Variants in KIAA0319 observed in about 807,000 individuals in gnomAD.
The protein encoded by KIAA0319 is dyslexia-associated protein KIAA0319.
A neutral mutation model predicts 108.4 loss-of-function variants in KIAA0319; 83 were observed. The ratio of observed to expected loss-of-function variants is 0.77; its 90% CI spans 0.64 to 0.92. The LOEUF (loss-of-function observed/expected upper bound fraction) is 0.92. Among genes scored for constraint, KIAA0319 ranks in the 40% least tolerant of loss-of-function variants. The pLI is 0.00. For missense variants in KIAA0319, 1,195 were observed against 1,322.4 expected (o/e 0.90, Z 1.49); for synonymous variants, 484 against 510.4 (o/e 0.95, Z 0.70).
chr6:24,598,276 C>A, intron 2 of KIAA0319: 1 of 636,372 alleles, frequency 1.6e-6, no homozygotes, highest in South Asian at 1.6e-5. Flanking sequence ...GGAGGTGGAC[C>A]CCAACATCCA....
At chr6:24,576,706 GC>G in intron 9 of KIAA0319, 110 bp from the exon 10 acceptor site, 1 of 838,362 alleles carries the variant, frequency 1.2e-6, no homozygotes, top group Non-Finnish European at 2.0e-6. Context: ...GATCGCTTGA[GC>G]CCAGGAGTTC....
At chr6:24,572,721 AT>A in intron 10 of KIAA0319, 23 bp from the exon 11 acceptor site, 1 of 1,582,008 alleles carries the variant, frequency 6.3e-7, no homozygotes, top group African/African-American at 1.4e-5. Context: ...AAATACAAAA[AT>A]AAAAACAAAA....
intron 1 of KIAA0319, among the ~76,000 whole-genome samples, chr6:24,635,063 T>G (rs1326813527): frequency 1.3e-5 from 2 of 152,124 alleles, no homozygotes; most frequent in East Asian, 3.8e-4. Context: ...TATCTGTAGC[T>G]ATCTGCTTAG....
At chr6:24,640,182 T>G (rs1776740929) in intron 1 of KIAA0319, among the ~76,000 whole-genome samples, 1 of 152,136 alleles carries the variant, frequency 6.6e-6, no homozygotes, top group Admixed American at 6.5e-5. Context: ...TAAATATGCA[T>G]GTTAAAAATA....
intron 1 of KIAA0319, among the ~76,000 whole-genome samples, chr6:24,627,435 T>G (rs1206715928): frequency 1.3e-5 from 2 of 150,216 alleles, no homozygotes; most frequent in African/African-American, 4.9e-5. Flanking sequence ...TAGGTCTTAG[T>G]GAGCATTTTC....
At chr6:24,612,244 G>T (rs1239016482) in intron 1 of KIAA0319, among the ~76,000 whole-genome samples, 3 of 152,080 alleles carry the variant, frequency 2.0e-5, no homozygotes, top group African/African-American at 7.2e-5. Context: ...TTGAGTCCAG[G>T]AGTTCGAGGC....
rs1769517539 is a variant in KIAA0319, at chr6:24,596,098, C to T, written c.576G>A (p.Glu192=). ...YTDWGLLPGS[E]GAFNSSVGDS... is the part of the protein sequence containing the mutation. Reference sequence around the variant, plus strand: ...CTCCAACAGAGGAGTTGAAGGCCCCCTCGCTGCCCGGCAGTAGGCCCCAGT... The same window carrying T: ...CTCCAACAGAGGAGTTGAAGGCCCCTTCGCTGCCCGGCAGTAGGCCCCAGT... Residue 192 remains glutamate (E), a synonymous_variant, in exon 3 of 21, where the codon GAG becomes GAA. Transcript: ENST00000378214. The T allele has an allele frequency of 1.2e-6, 2 of 1,614,102 alleles. No homozygotes were observed. The highest frequency in any genetic ancestry group is 4.5e-5 in the East Asian group (2 of 44,880).
In KIAA0319 at chr6:24,576,501, C is replaced by T. The variant is rs1159392952; in HGVS notation, c.1601G>A (p.Gly534Glu). 1.2e-6 allele frequency: 2 copies of T among 1,614,014 alleles called. No homozygotes were observed. The highest frequency in any genetic ancestry group is 1.3e-5 in the African/African-American group (1 of 74,914). ...GGGCAAAGTTATGGTGTGATTTGGT[C>T]CTGCATTAGCAACTGGTGGGTAGTC... ...AVDYPPVANA[G>E]PNHTITLPQN... Residue 534 changes from glycine to glutamate, a missense_variant, in exon 10 of 21, where the codon GGA (glycine) becomes GAA (glutamate). Physicochemically the swap from Gly to Glu is moderately conservative, Grantham distance 98 (BLOSUM62 -2). Transcript: ENST00000378214.
At chr6:24,559,647 G>A (rs185180011) in intron 16 of KIAA0319, among the ~76,000 whole-genome samples, 1 of 150,104 alleles carries the variant, frequency 6.7e-6, no homozygotes, top group Admixed American at 6.6e-5. Flanking sequence ...ATGTATAAAT[G>A]TGTGCAAAAA....
At position 24,566,678 on chromosome 6, in the gene KIAA0319, A is replaced by G. The variant is rs938791013; in HGVS notation, c.2211T>C (p.Thr737=). Residue 737 remains threonine (T), a synonymous_variant, in exon 14 of 21, where the codon ACT becomes ACC. Transcript: ENST00000378214. ...HVLVLPNNSI[T]LDGSRSTDDQ... is the part of the protein sequence containing the mutation. ...CATCAGTAGACCTTGAACCATCCAAAGTAATGGAATTATTGGGAAGCACAA... is the reference window on the plus strand; with the variant it reads ...CATCAGTAGACCTTGAACCATCCAAGGTAATGGAATTATTGGGAAGCACAA... The G allele has an allele frequency of 1.2e-6, 2 of 1,613,752 alleles. No individual in the cohort carries two copies. Among genetic ancestry groups the G allele is most frequent in the Non-Finnish European group, 1.7e-6 (2 of 1,179,806 alleles).
chr6:24,560,555 G>T (rs115251046), intron 16 of KIAA0319, among the ~76,000 whole-genome samples: 2 of 152,160 alleles, frequency 1.3e-5, no homozygotes, highest in Non-Finnish European at 2.9e-5. Flanking sequence ...TGTGAAACAC[G>T]TCCCACGAAG....
chr6:24,542,664 G>T (rs188004772), downstream of KIAA0319, among the ~76,000 whole-genome samples: 1 of 152,298 alleles, frequency 6.6e-6, no homozygotes, highest in Admixed American at 6.5e-5. Flanking sequence ...GCAGTGAGCC[G>T]TGATGGTGCC....
intron 1 of KIAA0319, among the ~76,000 whole-genome samples, chr6:24,642,400 TTAA>T (rs1777083619): frequency 6.6e-6 from 1 of 152,190 alleles, no homozygotes; most frequent in Non-Finnish European, 1.5e-5. Flanking sequence ...GTACTTCATC[TTAA>T]TGATGAAAAC....
At chr6:24,626,168 C>A (rs1193198993) in intron 1 of KIAA0319, among the ~76,000 whole-genome samples, 1 of 152,170 alleles carries the variant, frequency 6.6e-6, no homozygotes, top group Non-Finnish European at 1.5e-5. Flanking sequence ...GAATGCAAAT[C>A]AGTGGCTGCC....
intron 20 of KIAA0319, among the ~76,000 whole-genome samples, chr6:24,547,860 T>C (rs1220055930): frequency 6.6e-6 from 1 of 152,150 alleles, no homozygotes; most frequent in Non-Finnish European, 1.5e-5. Context: ...TTATGGTGTC[T>C]AGCTAGGGGT....
At chr6:24,619,795 GA>G (rs1257593398) in intron 1 of KIAA0319, among the ~76,000 whole-genome samples, 7 of 152,202 alleles carry the variant, frequency 4.6e-5, no homozygotes, top group Non-Finnish European at 7.3e-5. Context: ...GCAAGGGGGA[GA>G]AACTTAAAAT....
intron 9 of KIAA0319, among the ~76,000 whole-genome samples, chr6:24,577,288 C>T (rs1174702166): frequency 1.3e-5 from 2 of 152,204 alleles, no homozygotes; most frequent in African/African-American, 4.8e-5. Flanking sequence ...CATGCAGAGA[C>T]AGCAAATCAC....
In KIAA0319 at chr6:24,595,933, C is replaced by T; in HGVS notation, c.741G>A (p.Val247=). The T allele has an allele frequency of 1.9e-6, 3 of 1,613,832 alleles. No individual in the cohort carries two copies. Among genetic ancestry groups the T allele is most frequent in the South Asian group, 1.1e-5 (1 of 90,990 alleles). The change falls in exon 3 of 21, where the codon GTG becomes GTA. Residue 247 remains valine, a synonymous_variant. Coordinates refer to ENST00000378214, the MANE Select transcript of KIAA0319 (RefSeq NM_014809.4). ...PLPTTPSSGE[V]LEKEKASQLQ... ...GCTGAGAAGCCTTTTCTTTCTCCAACACCTCTCCTGAAGATGGAGTAGTCG... is the reference window on the plus strand; with the variant it reads ...GCTGAGAAGCCTTTTCTTTCTCCAATACCTCTCCTGAAGATGGAGTAGTCG...
chr6:24,594,018 G>A (rs1768971487), intron 3 of KIAA0319, among the ~76,000 whole-genome samples: 1 of 149,754 alleles, frequency 6.7e-6, no homozygotes, highest in Admixed American at 6.7e-5. Context: ...GACCAATATG[G>A]TGAAACCCCA....
Sources: gnomAD v4.1 joint callset for allele counts (sites outside exome capture counted in the v4.1 genomes callset) on GRCh38, gnomAD v4.1.1 for gene constraint, MANE v1.5 for transcripts, NCBI Gene and HGNC (gene_info 2026-07-23, HGNC 2026-07-21) for gene names.